The following AK5 variants were observed in gnomAD, a reference collection of about 807,000 sequenced individuals.
AK5 encodes adenylate kinase isoenzyme 5.
AK5 carries 27 observed loss-of-function variants against 69.5 expected under a neutral mutation model. The ratio of observed to expected loss-of-function variants is 0.39; its 90% CI spans 0.29 to 0.54. The LOEUF is 0.54. Ranked by LOEUF, AK5 falls within the 20% of genes least tolerant of loss-of-function variation. The pLI, the probability that AK5 is intolerant of heterozygous loss-of-function variation, is 0.71. For synonymous variants in AK5, 260 were observed against 244.4 expected (o/e 1.06, Z -0.60); for missense variants, 531 against 700.4 (o/e 0.76, Z 2.73).
intron 6 of AK5, among the ~76,000 whole-genome samples, chr1:77,404,215 T>C (rs1649458077): frequency 6.6e-6 from 1 of 152,170 alleles, no homozygotes; most frequent in Admixed American, 6.5e-5. Context: ...GGCTTCACAA[T>C]TTTTTCACGA....
At chr1:77,351,610 G>A (rs1662204278) in intron 6 of AK5, among the ~76,000 whole-genome samples, 1 of 152,068 alleles carries the variant, frequency 6.6e-6, no homozygotes, top group Non-Finnish European at 1.5e-5. Context: ...ACAGAAAAAA[G>A]GTGAGATAGT....
intron 10 of AK5, among the ~76,000 whole-genome samples, chr1:77,495,605 C>T (rs1475807516): frequency 6.6e-6 from 1 of 152,076 alleles, no homozygotes; most frequent in African/African-American, 2.4e-5. Flanking sequence ...TGTCTTTTAC[C>T]GTAAAGAAAT....
At chr1:77,554,010 A>G (rs1234687987) in intron 13 of AK5, among the ~76,000 whole-genome samples, 1 of 152,246 alleles carries the variant, frequency 6.6e-6, no homozygotes, top group East Asian at 1.9e-4. Flanking sequence ...CCACTACAAC[A>G]TAAACGAACC....
At chr1:77,441,998 C>T (rs1181514180) in intron 8 of AK5, among the ~76,000 whole-genome samples, 1 of 152,134 alleles carries the variant, frequency 6.6e-6, no homozygotes, top group Admixed American at 6.5e-5. Context: ...AGGCAGGGCA[C>T]AGCCCTGGCC....
At chr1:77,509,049 T>C (rs959064928) in intron 10 of AK5, among the ~76,000 whole-genome samples, 2 of 152,134 alleles carry the variant, frequency 1.3e-5, no homozygotes, top group Non-Finnish European at 2.9e-5. Flanking sequence ...GCAAAGTGAC[T>C]CTCCCAGAAT....
chr1:77,318,036 G>T (rs1471278050), intron 5 of AK5, among the ~76,000 whole-genome samples: 1 of 152,184 alleles, frequency 6.6e-6, no homozygotes, highest in Non-Finnish European at 1.5e-5. Flanking sequence ...TAATAGTGAA[G>T]CACTGAAATT....
chr1:77,297,133 G>A (rs1323557743), intron 3 of AK5, among the ~76,000 whole-genome samples: 1 of 152,052 alleles, frequency 6.6e-6, no homozygotes. Flanking sequence ...TAATGGTTAC[G>A]TTTCACCGAA....
In AK5 at chr1:77,286,921, C is replaced by T; in HGVS notation, c.61-20C>T. Reference sequence around the variant, plus strand: ...GGGTTTAAAAGATATTTTATTTGTACATATTTTGTTATATTTCAGAGCCTT... The same window carrying T: ...GGGTTTAAAAGATATTTTATTTGTATATATTTTGTTATATTTCAGAGCCTT... On this transcript the variant is annotated intron_variant, in intron 1 of 13. Transcript: ENST00000354567. 7.4e-7 allele frequency: 1 copy of T among 1,357,678 alleles called. No homozygotes were observed. Among genetic ancestry groups the T allele is most frequent in the Non-Finnish European group, 9.6e-7 (1 of 1,040,918 alleles). The allele number at this position is 1,357,678 out of a possible 1,614,324, so 84.1% of individuals were successfully genotyped here. A position where few individuals can be genotyped will look rare whatever the true frequency, so the allele number is the denominator to read the frequency against.
intron 13 of AK5, among the ~76,000 whole-genome samples, chr1:77,537,071 C>G (rs192675021): frequency 7.2e-5 from 11 of 152,066 alleles, no homozygotes; most frequent in Non-Finnish European, 1.0e-4. Flanking sequence ...CCTTGCAAAG[C>G]TTAGGGTTTC....
At chr1:77,386,893 C>T (rs1256501754) in intron 6 of AK5, among the ~76,000 whole-genome samples, 1 of 152,092 alleles carries the variant, frequency 6.6e-6, no homozygotes, top group Non-Finnish European at 1.5e-5. Context: ...CACTTCCTAC[C>T]TCTATGTGTT....
intron 6 of AK5, among the ~76,000 whole-genome samples, chr1:77,359,712 T>C (rs563702761): frequency 1.3e-5 from 2 of 152,334 alleles, no homozygotes; most frequent in East Asian, 1.9e-4. Flanking sequence ...GGAAAGTGCA[T>C]GCATAACTTA....
chr1:77,294,497 GA>G (rs1658876247), intron 3 of AK5, among the ~76,000 whole-genome samples: 1 of 151,934 alleles, frequency 6.6e-6, no homozygotes, highest in Non-Finnish European at 1.5e-5. Flanking sequence ...ACTTTAGAGG[GA>G]AAAATAAATA....
intron 7 of AK5, among the ~76,000 whole-genome samples, chr1:77,414,142 C>G (rs10873937): frequency 3.3e-5 from 5 of 152,030 alleles, no homozygotes; most frequent in Admixed American, 6.6e-5. Context: ...TCATTTGGTA[C>G]GTATGCATTG....
At chr1:77,311,914 G>A (rs1289684229) in intron 5 of AK5, among the ~76,000 whole-genome samples, 4 of 152,108 alleles carry the variant, frequency 2.6e-5, no homozygotes, top group African/African-American at 9.7e-5. Context: ...CTGTCAGCTG[G>A]AGTCCTGGGA....
At chr1:77,419,192 A>C (rs1379309064) in intron 8 of AK5, among the ~76,000 whole-genome samples, 3 of 152,176 alleles carry the variant, frequency 2.0e-5, no homozygotes, top group African/African-American at 7.2e-5. Context: ...TGCCTCTGCC[A>C]CAATGTACTG....
In AK5 at chr1:77,407,621, T is replaced by C. The variant is rs563649098; in HGVS notation, c.892-3360T>C. 9.7e-4 allele frequency among the ~76,000 whole-genome samples: 148 copies of C among 152,302 alleles called. 1 individual carries two copies. In the South Asian group the frequency reaches 0.02, roughly 20 times the overall value. ...ATATATCAAAACTTATAATTTGTTT[T>C]TTTAAATATAATTTCAATTTTTATT... On this transcript the variant is annotated intron_variant, in intron 6 of 13. Coordinates refer to ENST00000354567, the MANE Select transcript of AK5 (RefSeq NM_174858.3).
intron 6 of AK5, among the ~76,000 whole-genome samples, chr1:77,368,863 C>A (rs1224949897): frequency 6.6e-6 from 1 of 152,000 alleles, no homozygotes; most frequent in African/African-American, 2.4e-5. Context: ...TGATCCAGCT[C>A]CATTTAACAA....
At chr1:77,475,542 A>AT (rs1301792244) in intron 8 of AK5, among the ~76,000 whole-genome samples, 6 of 107,718 alleles carry the variant, frequency 5.6e-5, no homozygotes. Flanking sequence ...ATACAAATAT[A>AT]TATTATATAT....
chr1:77,558,815 A>G lies in AK5; in HGVS notation c.*145A>G. The G allele has an allele frequency of 1.6e-6, 1 of 633,924 alleles. No individual in the cohort carries two copies. Among genetic ancestry groups the G allele is most frequent in the Non-Finnish European group, 2.9e-6 (1 of 347,854 alleles). 39.3% of individuals were successfully genotyped at this position (633,924 alleles called of 1,614,324 possible). On this transcript the variant is annotated 3_prime_UTR_variant, in exon 14 of 14. Transcript: ENST00000354567. ...ATCCTGACAGCACTGTTTGCTTCCC[A>G]GCTAGACCTGTGTGAGAGGTGTCTG... is the stretch of plus-strand genomic sequence containing the variant.
Sources: allele counts gnomAD v4.1 joint callset (sites outside exome capture counted in the v4.1 genomes callset), GRCh38; gene constraint gnomAD v4.1.1; transcripts MANE v1.5; gene names NCBI Gene and HGNC (gene_info 2026-07-23, HGNC 2026-07-21).